ADCY9: variants seen among roughly 807,000 people sequenced by gnomAD.
The protein encoded by ADCY9 is adenylate cyclase 9.
Under a neutral mutation model 101.5 loss-of-function variants are expected in ADCY9, and 50 were observed. The observed-to-expected ratio is 0.49, with a 90% CI of 0.39 to 0.62. The LOEUF is 0.62. Ranked by LOEUF, ADCY9 falls within the 20% of genes least tolerant of loss-of-function variation. The pLI, the probability that ADCY9 is intolerant of heterozygous loss-of-function variation, is 0.00. For synonymous variants in ADCY9, 905 were observed against 769.3 expected (o/e 1.18, Z -2.92); for missense variants, 1,662 against 1,800.4 (o/e 0.92, Z 1.39).
intron 2 of ADCY9, among the ~76,000 whole-genome samples, chr16:4,027,827 A>T (rs1469458019): frequency 6.6e-6 from 1 of 151,834 alleles, no homozygotes; most frequent in Admixed American, 6.6e-5. Context: ...TGGTGAGCCA[A>T]GATCATGCCA....
rs1281342482 is a variant in ADCY9 at position 3,963,212 on chromosome 16, C to T, written c.*2563G>A. ...AATTGCAACTCAAAGCAACTATTTA[C>T]ACACATTCAATGCTGAAGTATTGCT... On this transcript the variant is annotated 3_prime_UTR_variant, in exon 11 of 11. Coordinates refer to ENST00000294016, the MANE Select transcript of ADCY9 (RefSeq NM_001116.4). The T allele has an allele frequency of 2.6e-6, 1 of 380,324 alleles. No homozygotes were observed. The highest frequency in any genetic ancestry group is 2.1e-5 in the African/African-American group (1 of 47,082). The allele number at this position is 380,324 out of a possible 1,614,324, so 23.6% of individuals were successfully genotyped here. A position where few individuals can be genotyped will look rare whatever the true frequency, so the allele number is the denominator to read the frequency against.
At chr16:4,005,852 A>G (rs920314823) in intron 3 of ADCY9, among the ~76,000 whole-genome samples, 3 of 152,154 alleles carry the variant, frequency 2.0e-5, no homozygotes, top group African/African-American at 7.2e-5. Flanking sequence ...CTCAGTTTGC[A>G]GGCTGGAGGA....
Position 3,989,018 on chromosome 16 carries a change from G to A in ADCY9, c.2286C>T (p.Ser762=). The change falls in exon 6 of 11, where the codon TCC becomes TCT. Residue 762 remains serine, a synonymous_variant. Transcript: ENST00000294016. The part of the protein sequence containing the change: ...LNFLDQELER[S]YRTSYQEEVI... ...CCTCTTCCTGATAGCTGGTCCTGTA[G>A]GATCGCTCCAGCTCCTGATCCAGGA... 1 of 1,613,804 alleles carries A rather than the reference G, an allele frequency of 6.2e-7. No individual in the cohort carries two copies. The highest frequency in any genetic ancestry group is 8.5e-7 in the Non-Finnish European group (1 of 1,179,720).
chr16:3,993,699 G>A (rs551709783), intron 3 of ADCY9, among the ~76,000 whole-genome samples, 189 bp from the exon 4 acceptor site: 3 of 152,236 alleles, frequency 2.0e-5, no homozygotes, highest in South Asian at 2.1e-4. Flanking sequence ...ACAGAAACCC[G>A]GGCACGAACG....
intron 8 of ADCY9, among the ~76,000 whole-genome samples, chr16:3,978,210 C>T (rs146454264): frequency 0.011 from 1,615 of 152,218 alleles, 22 homozygotes; most frequent in African/African-American, 0.029. Context: ...CACGTGTCTT[C>T]GTGGAAAGGA....
chr16:4,067,255 G>A lies in ADCY9; in HGVS notation c.1693+46495C>T, dbSNP rs1327061672. 3.9e-5 allele frequency among the ~76,000 whole-genome samples: 6 copies of A among 152,260 alleles called. No homozygotes were observed. In the East Asian group the frequency reaches 9.6e-4, roughly 24 times the overall value. ...TTAGAAACAACACCAGCTCACAAGGGTAGTAAAATACTAATTCTTAAAATC... is the reference window on the plus strand; with the variant it reads ...TTAGAAACAACACCAGCTCACAAGGATAGTAAAATACTAATTCTTAAAATC... On this transcript the variant is annotated intron_variant, in intron 2 of 10. Coordinates refer to ENST00000294016, the MANE Select transcript of ADCY9 (RefSeq NM_001116.4).
intron 2 of ADCY9, among the ~76,000 whole-genome samples, chr16:4,105,080 A>C (rs544126070): frequency 1.4e-4 from 22 of 151,888 alleles, no homozygotes; most frequent in Admixed American, 4.6e-4. Context: ...CAAAAAAAAA[A>C]CAAAAAACTT....
intron 8 of ADCY9, among the ~76,000 whole-genome samples, 158 bp from the exon 9 acceptor site, chr16:3,977,788 C>G (rs1039888008): frequency 6.6e-6 from 1 of 152,322 alleles, no homozygotes; most frequent in Non-Finnish European, 1.5e-5. Flanking sequence ...GCAATCTCAG[C>G]TCACTGCAAC....
intron 2 of ADCY9, among the ~76,000 whole-genome samples, chr16:4,052,235 T>C (rs1182095407): frequency 6.6e-6 from 1 of 152,166 alleles, no homozygotes; most frequent in Non-Finnish European, 1.5e-5. Context: ...CAGCCCCAGA[T>C]TGAAGGAGAC....
intron 8 of ADCY9, among the ~76,000 whole-genome samples, chr16:3,978,778 G>C (rs976650947): frequency 6.6e-6 from 1 of 152,158 alleles, no homozygotes; most frequent in African/African-American, 2.4e-5. Context: ...GCAGTGTGGT[G>C]GTGCAACCTC....
intron 2 of ADCY9, among the ~76,000 whole-genome samples, chr16:4,084,322 G>A (rs2056923900): frequency 6.6e-6 from 1 of 151,818 alleles, no homozygotes; most frequent in South Asian, 2.1e-4. Flanking sequence ...ATGTTGGCCA[G>A]GCTGGTCTCG....
At chr16:4,086,210 T>A (rs2056937444) in intron 2 of ADCY9, among the ~76,000 whole-genome samples, 1 of 150,436 alleles carries the variant, frequency 6.6e-6, no homozygotes, top group African/African-American at 2.4e-5. Context: ...GGAAGGGAGG[T>A]CACATCTATC....
chr16:3,992,132 A>G lies in ADCY9; in HGVS notation c.2207+14T>C. The G allele has an allele frequency of 1.9e-6, 3 of 1,612,620 alleles. No individual in the cohort carries two copies. Among genetic ancestry groups the G allele is most frequent in the African/African-American group, 1.3e-5 (1 of 74,978 alleles). ...CTGCAACCTTTGCTTTTTCCCAGACAGCCCCAGTCGTACCTGTCTTCTTTG... is the reference window on the plus strand; with the variant it reads ...CTGCAACCTTTGCTTTTTCCCAGACGGCCCCAGTCGTACCTGTCTTCTTTG... On this transcript the variant is annotated intron_variant, in intron 5 of 10. Transcript: ENST00000294016. This position sits in a 1 kb window ranked among gnomAD's most constrained non-coding sequence, Gnocchi z 4.2.
intron 3 of ADCY9, among the ~76,000 whole-genome samples, chr16:4,003,168 T>A (rs1457623274): frequency 2.0e-5 from 3 of 152,128 alleles, no homozygotes; most frequent in African/African-American, 7.2e-5. Context: ...AAGGCACACA[T>A]GCTCCCGTGT....
At chr16:4,111,914 T>C (rs1210868617) in intron 2 of ADCY9, among the ~76,000 whole-genome samples, 1 of 151,260 alleles carries the variant, frequency 6.6e-6, no homozygotes, top group Non-Finnish European at 1.5e-5. Context: ...AAACTACTCA[T>C]AAATTCACAA....
chr16:3,984,927 G>C (rs12449284), intron 6 of ADCY9, among the ~76,000 whole-genome samples: 23,907 of 152,100 alleles, frequency 0.16, 2,302 homozygotes, highest in South Asian at 0.33. Flanking sequence ...GGGAGGGCAG[G>C]AGGGGCACTT....
intron 2 of ADCY9, among the ~76,000 whole-genome samples, chr16:4,077,697 G>A (rs997132201): frequency 1.3e-5 from 2 of 152,086 alleles, no homozygotes; most frequent in Non-Finnish European, 2.9e-5. Flanking sequence ...AAGGCTATCT[G>A]ATTTTTAAAA....
chr16:3,968,531 A>G (rs1359920670), intron 10 of ADCY9, among the ~76,000 whole-genome samples: 1 of 152,202 alleles, frequency 6.6e-6, no homozygotes, highest in Non-Finnish European at 1.5e-5. Flanking sequence ...ACAAGACGCC[A>G]TCTCCCCTGA....
chr16:4,040,054 G>GA (rs200388435), intron 2 of ADCY9, among the ~76,000 whole-genome samples: 2,918 of 152,146 alleles, frequency 0.019, 38 homozygotes, highest in Non-Finnish European at 0.028. Flanking sequence ...CAAAAGAAAA[G>GA]AAAACAAGAG....
Sources: allele counts gnomAD v4.1 joint callset (sites outside exome capture counted in the v4.1 genomes callset), GRCh38; gene constraint gnomAD v4.1.1; non-coding constraint Gnocchi (gnomAD v3.1); transcripts MANE v1.5; gene names NCBI Gene and HGNC (gene_info 2026-07-23, HGNC 2026-07-21).